The following ERBB4 variants were observed in gnomAD, a reference collection of about 807,000 sequenced individuals.
The protein encoded by ERBB4 is receptor tyrosine-protein kinase erbB-4.
ERBB4 carries 42 observed loss-of-function variants against 158.0 expected under a neutral mutation model. The observed-to-expected ratio is 0.27, with a 90% CI of 0.21 to 0.34. ERBB4 has a LOEUF of 0.34. Ranked by LOEUF, ERBB4 falls within the 10% of genes least tolerant of loss-of-function variation. The pLI is 1.00. For synonymous variants in ERBB4, 583 were observed against 558.7 expected (o/e 1.04, Z -0.61); for missense variants, 1,333 against 1,624.1 (o/e 0.82, Z 3.08).
intron 20 of ERBB4, among the ~76,000 whole-genome samples, chr2:211,530,140 C>T (rs764859811): frequency 4.6e-5 from 7 of 152,038 alleles, no homozygotes; most frequent in Non-Finnish European, 1.0e-4. Flanking sequence ...CGAATAAACA[C>T]GTTCAGTAAA....
intron 1 of ERBB4, among the ~76,000 whole-genome samples, chr2:212,259,567 T>TA (rs1489045437): frequency 7.2e-5 from 11 of 152,214 alleles, no homozygotes; most frequent in Admixed American, 1.3e-4. Flanking sequence ...TAAATTCATT[T>TA]AAAATGTTTC....
chr2:212,526,474 C>T (rs1444648576), intron 1 of ERBB4, among the ~76,000 whole-genome samples: 1 of 151,950 alleles, frequency 6.6e-6, no homozygotes, highest in Non-Finnish European at 1.5e-5. Flanking sequence ...ATCTGAATAC[C>T]AATCACTTCA....
intron 1 of ERBB4, among the ~76,000 whole-genome samples, chr2:212,470,672 T>C (rs1007342531): frequency 2.0e-5 from 3 of 152,126 alleles, no homozygotes; most frequent in Admixed American, 6.6e-5. Flanking sequence ...CTGGATTTTC[T>C]AGTTCCTGTT....
At chr2:212,329,445 G>A (rs891569044) in intron 1 of ERBB4, among the ~76,000 whole-genome samples, 1 of 151,994 alleles carries the variant, frequency 6.6e-6, no homozygotes, top group African/African-American at 2.4e-5. Context: ...TTGATTACAT[G>A]GTCATAGCCT....
At chr2:212,240,683 A>G (rs141718039) in intron 1 of ERBB4, among the ~76,000 whole-genome samples, 36 of 151,366 alleles carry the variant, frequency 2.4e-4, no homozygotes, top group African/African-American at 8.5e-4. Flanking sequence ...AAAAAAGAAA[A>G]AAGGACAGAT....
chr2:211,856,430 G>T (rs1385227884), intron 3 of ERBB4, among the ~76,000 whole-genome samples: 1 of 151,242 alleles, frequency 6.6e-6, no homozygotes, highest in African/African-American at 2.4e-5. Flanking sequence ...CTGTCGCCCA[G>T]GCTGGAGTGC....
At chr2:211,657,528 T>G in intron 16 of ERBB4, 2 of 480,868 alleles carry the variant, frequency 4.2e-6, no homozygotes, top group Non-Finnish European at 7.6e-6. Flanking sequence ...AAAAAAGAAA[T>G]CGATGGTGTT....
chr2:211,493,009 G>A (rs2065382231), intron 20 of ERBB4, among the ~76,000 whole-genome samples: 1 of 152,072 alleles, frequency 6.6e-6, no homozygotes, highest in African/African-American at 2.4e-5. Flanking sequence ...TTGGCACTCA[G>A]GTTTTATATG....
chr2:211,449,540 T>C (rs2064191835), intron 20 of ERBB4, among the ~76,000 whole-genome samples: 1 of 152,204 alleles, frequency 6.6e-6, no homozygotes, highest in Non-Finnish European at 1.5e-5. Context: ...ACATAGTTCA[T>C]ATGCAATTTA....
intron 3 of ERBB4, among the ~76,000 whole-genome samples, chr2:211,877,855 C>A (rs1418392595): frequency 3.3e-5 from 5 of 152,134 alleles, no homozygotes; most frequent in African/African-American, 9.7e-5. Flanking sequence ...TGCCTGTAAT[C>A]CCAGCACTTT....
intron 2 of ERBB4, among the ~76,000 whole-genome samples, chr2:212,014,734 G>GT (rs1559319302): frequency 1.3e-5 from 2 of 151,878 alleles, no homozygotes; most frequent in African/African-American, 4.8e-5. Flanking sequence ...CTGTTTAAAA[G>GT]TACATAGTCA....
intron 19 of ERBB4, among the ~76,000 whole-genome samples, chr2:211,587,582 C>A (rs2068324160): frequency 6.6e-6 from 1 of 151,812 alleles, no homozygotes; most frequent in Non-Finnish European, 1.5e-5. Context: ...GCCCTGCCAA[C>A]ACCATCATTT....
chr2:211,829,276 T>TAC (rs560888934), intron 3 of ERBB4, among the ~76,000 whole-genome samples: 38 of 152,158 alleles, frequency 2.5e-4, no homozygotes, highest in African/African-American at 4.3e-4. Context: ...ATATATAACA[T>TAC]ACACACACAC....
chr2:212,041,434 T>G (rs939550123), intron 2 of ERBB4, among the ~76,000 whole-genome samples: 1 of 152,120 alleles, frequency 6.6e-6, no homozygotes, highest in Admixed American at 6.6e-5. Flanking sequence ...TGTTAAAGAA[T>G]AATTAGCACC....
At chr2:211,507,333 T>A (rs74878626) in intron 20 of ERBB4, among the ~76,000 whole-genome samples, 2,975 of 152,190 alleles carry the variant, frequency 0.02, 51 homozygotes, top group Middle Eastern at 0.058. Flanking sequence ...AAATCAAGGA[T>A]GAGGAATTCC....
intron 2 of ERBB4, among the ~76,000 whole-genome samples, chr2:212,096,820 T>C (rs2078946404): frequency 6.6e-6 from 1 of 152,128 alleles, no homozygotes; most frequent in Non-Finnish European, 1.5e-5. Flanking sequence ...TGGGTATTTG[T>C]AGGATTCTAT....
At chr2:212,216,846 T>C (rs1375763580) in intron 1 of ERBB4, among the ~76,000 whole-genome samples, 1 of 151,302 alleles carries the variant, frequency 6.6e-6, no homozygotes, top group Admixed American at 6.6e-5. Context: ...GGCCTTCAGT[T>C]TTTCACACAA....
At chr2:212,205,522 C>T (rs1439491811) in intron 1 of ERBB4, among the ~76,000 whole-genome samples, 1 of 152,138 alleles carries the variant, frequency 6.6e-6, no homozygotes, top group Non-Finnish European at 1.5e-5. Context: ...GAAAATTATA[C>T]TTTAAAAAAT....
intron 3 of ERBB4, among the ~76,000 whole-genome samples, chr2:211,797,222 G>A (rs1046398535): frequency 1.3e-5 from 2 of 151,808 alleles, no homozygotes; most frequent in South Asian, 2.1e-4. Flanking sequence ...AATTGCTTCA[G>A]TAGAACAAAT....
Sources: allele counts gnomAD v4.1 joint callset (sites outside exome capture counted in the v4.1 genomes callset), GRCh38; gene constraint gnomAD v4.1.1; transcripts MANE v1.5; gene names NCBI Gene and HGNC (gene_info 2026-07-23, HGNC 2026-07-21).